TUB: variants seen among roughly 807,000 people sequenced by gnomAD.
TUB encodes TUB bipartite transcription factor.
TUB carries 33 observed loss-of-function variants against 59.7 expected under a neutral mutation model. The ratio of observed to expected loss-of-function variants is 0.55; its 90% CI spans 0.42 to 0.74. The LOEUF (loss-of-function observed/expected upper bound fraction) is 0.74, where lower values mean the gene tolerates loss of function less well. Among genes scored for constraint, TUB ranks in the 30% least tolerant of loss-of-function variants. The probability of loss-of-function intolerance (pLI) is 0.00; values close to 1 mark genes in which losing one functional copy is unlikely to be tolerated. For missense variants in TUB, 659 were observed against 672.0 expected (o/e 0.98, Z 0.21); for synonymous variants, 293 against 256.4 (o/e 1.14, Z -1.36).
chr11:8,047,162 C>T lies in TUB; in HGVS notation c.203+7470C>T, dbSNP rs147826686. 4.9e-4 allele frequency among the ~76,000 whole-genome samples: 75 copies of T among 152,232 alleles called. 1 individual carries two copies. The Middle Eastern group carries it at 0.044, about 90-fold the overall frequency. On this transcript the variant is annotated intron_variant, in intron 2 of 12. Coordinates refer to the TUB transcript ENST00000305253. ...CTCTCCCCACTGCCAGCTGCACCAG[C>T]CCCCCAAACTCATGTACTCTTTTCC...
chr11:8,104,931 T>TTG lies in TUB; in HGVS notation c.*3313_*3314insGT, dbSNP rs1944479714. On this transcript the variant is annotated 3_prime_UTR_variant, in exon 12 of 12. Coordinates refer to ENST00000299506, the MANE Select transcript of TUB (RefSeq NM_177972.3). Reference sequence around the variant, plus strand: ...ACAAAATTCTAGAAGCAGAAGGTTGTTTTTTTTTTTTTTTCTCCATTCTGA... The same window carrying TTG: ...ACAAAATTCTAGAAGCAGAAGGTTGTTGTTTTTTTTTTTTTTCTCCATTCTGA... The TTG allele has an allele frequency of 7.5e-6, 1 of 132,982 alleles. No homozygotes were observed. The highest frequency in any genetic ancestry group is 2.9e-5 in the African/African-American group (1 of 34,660). The allele number at this position is 132,982 out of a possible 1,614,324, so 8.2% of individuals were successfully genotyped here. A position where few individuals can be genotyped will look rare whatever the true frequency, so the allele number is the denominator to read the frequency against.
At chr11:8,056,538 T>G (rs1399342477) in intron 2 of TUB, among the ~76,000 whole-genome samples, 1 of 151,992 alleles carries the variant, frequency 6.6e-6, no homozygotes, top group African/African-American at 2.4e-5. Context: ...TTCTGTGAAA[T>G]GCCTGGGGGG....
chr11:8,074,277 G>C (rs1943409949), intron 2 of TUB, among the ~76,000 whole-genome samples: 1 of 152,094 alleles, frequency 6.6e-6, no homozygotes, highest in Non-Finnish European at 1.5e-5. Flanking sequence ...TGGAATGGAG[G>C]ATGTGGCCCC....
chr11:8,065,606 A>G (rs1943224495), intron 2 of TUB, among the ~76,000 whole-genome samples: 1 of 152,194 alleles, frequency 6.6e-6, no homozygotes, highest in African/African-American at 2.4e-5. Context: ...TGCCTCTTTT[A>G]GTACCTAGAG....
intron 1 of TUB, among the ~76,000 whole-genome samples, chr11:8,022,334 T>C (rs1462301537): frequency 6.6e-6 from 1 of 152,220 alleles, no homozygotes; most frequent in East Asian, 1.9e-4. Flanking sequence ...TGAAAATCTG[T>C]GTTCTGCTGA....
At position 8,104,687 on chromosome 11, in the gene TUB, C is replaced by G. The variant is rs1266385488; in HGVS notation, c.*3068C>G. 6.6e-6 allele frequency: 1 copy of G among 152,132 alleles called. No homozygotes were observed. The highest frequency in any genetic ancestry group is 1.5e-5 in the Non-Finnish European group (1 of 68,036). 9.4% of individuals were successfully genotyped at this position (152,132 alleles called of 1,614,324 possible). On this transcript the variant is annotated 3_prime_UTR_variant, in exon 12 of 12. Transcript: ENST00000299506. The stretch of plus-strand genomic sequence containing the variant: ...AGAATGTTGTTAGCTTTTCAGTTCC[C>G]GCTCTGCATTGCCTGAAAAAACTGG...
intron 2 of TUB, among the ~76,000 whole-genome samples, chr11:8,073,228 G>A (rs1046489223): frequency 5.3e-5 from 8 of 152,182 alleles, no homozygotes; most frequent in African/African-American, 1.9e-4. Flanking sequence ...CCTCAGTGGT[G>A]GCTCTAGAGT....
At chr11:8,039,184 C>T (rs1178294141) in intron 1 of TUB, among the ~76,000 whole-genome samples, 1 of 152,088 alleles carries the variant, frequency 6.6e-6, no homozygotes, top group Non-Finnish European at 1.5e-5. Context: ...ACAGGTATAT[C>T]CCCGCAAACC....
At chr11:8,043,529 TA>T (rs1371083083) in intron 2 of TUB, among the ~76,000 whole-genome samples, 8 of 152,232 alleles carry the variant, frequency 5.3e-5, no homozygotes, top group Non-Finnish European at 1.2e-4. Context: ...GCCATCTTAA[TA>T]GTATATAGTC....
chr11:8,084,517 C>T (rs906304396), intron 1 of TUB, among the ~76,000 whole-genome samples: 1 of 152,202 alleles, frequency 6.6e-6, no homozygotes, highest in African/African-American at 2.4e-5. Context: ...AGGACTGCGG[C>T]CCACGGCGTA....
At chr11:8,097,507 A>AT in intron 7 of TUB, 82 bp downstream of exon 7, 1 of 1,576,354 alleles carries the variant, frequency 6.3e-7, no homozygotes, top group Non-Finnish European at 8.7e-7. Context: ...TGGAAGTCTC[A>AT]TATCTACCAC....
exon 1 of TUB, chr11:8,038,753 G>C (rs928439421): frequency 2.0e-6 from 3 of 1,507,778 alleles, no homozygotes; most frequent in Non-Finnish European, 2.7e-6. Flanking sequence ...GTGATGAAGG[G>C]AGACATCCAA....
chr11:8,096,191 T>C (rs1943985438), intron 5 of TUB, among the ~76,000 whole-genome samples: 2 of 152,176 alleles, frequency 1.3e-5, no homozygotes, highest in African/African-American at 4.8e-5. Flanking sequence ...AGATAGAAGC[T>C]CAGGGCAAAG....
rs1944570531 is a variant in TUB at position 8,105,859 on chromosome 11, T to G, written c.*4240T>G. On this transcript the variant is annotated 3_prime_UTR_variant, in exon 12 of 12. Coordinates refer to ENST00000299506, the MANE Select transcript of TUB (RefSeq NM_177972.3). ...GATGAGGCTGAGATCCAGAGTTTCC[T>G]AGAACGCAACTTAGGATGGCTAGGA... is the stretch of plus-strand genomic sequence containing the variant. The G allele has an allele frequency of 6.6e-6, 1 of 152,158 alleles. No individual in the cohort carries two copies. The highest frequency in any genetic ancestry group is 1.5e-5 in the Non-Finnish European group (1 of 68,020). 9.4% of individuals were successfully genotyped at this position (152,158 alleles called of 1,614,324 possible).
At chr11:8,093,765 T>G (rs1001820771) in intron 3 of TUB, among the ~76,000 whole-genome samples, 1 of 152,184 alleles carries the variant, frequency 6.6e-6, no homozygotes, top group African/African-American at 2.4e-5. Flanking sequence ...CCAGAACTTT[T>G]GAGTGCGCAC....
At chr11:8,063,528 T>C (rs1943173618) in intron 2 of TUB, among the ~76,000 whole-genome samples, 1 of 152,176 alleles carries the variant, frequency 6.6e-6, no homozygotes, top group African/African-American at 2.4e-5. Context: ...TGCCCCAGAC[T>C]GCACATGTCC....
intron 2 of TUB, among the ~76,000 whole-genome samples, chr11:8,040,300 TGAAGGAGGGG>T (rs1942726405): frequency 6.6e-6 from 1 of 152,174 alleles, no homozygotes; most frequent in Admixed American, 6.5e-5. Context: ...AACTGCCCTG[TGAAGGAGGGG>T]GTGCTGTCTT....
At chr11:8,082,431 C>G (rs1049892465) in intron 1 of TUB, among the ~76,000 whole-genome samples, 5 of 152,212 alleles carry the variant, frequency 3.3e-5, no homozygotes, top group Non-Finnish European at 5.9e-5. Context: ...CCACTCTACT[C>G]CATTCTATTA....
At chr11:8,097,626 C>A (rs1944057020) in intron 7 of TUB, 88 bp from the exon 8 acceptor site, 3 of 1,345,312 alleles carry the variant, frequency 2.2e-6, no homozygotes, top group Non-Finnish European at 3.1e-6. Context: ...GGAGCTGACG[C>A]AACGGAGAGA....
Sources: gnomAD v4.1 joint callset for allele counts (sites outside exome capture counted in the v4.1 genomes callset) on GRCh38, gnomAD v4.1.1 for gene constraint, MANE v1.5 for transcripts, NCBI Gene and HGNC (gene_info 2026-07-23, HGNC 2026-07-21) for gene names.